CEP112: variants seen among roughly 807,000 people sequenced by gnomAD.
The protein encoded by CEP112 is centrosomal protein 112.
A neutral mutation model predicts 153.0 loss-of-function variants in CEP112; 127 were observed. The ratio of observed to expected loss-of-function variants is 0.83; its 90% confidence interval spans 0.72 to 0.96. The LOEUF is 0.96. CEP112 is among the 40% of genes least tolerant of loss of function. The probability of loss-of-function intolerance (pLI) is 0.00; values close to 1 mark genes in which losing one functional copy is unlikely to be tolerated. For synonymous variants in CEP112, 358 were observed against 374.4 expected, an observed-to-expected ratio of 0.96 and a Z score of 0.51; for missense variants, 1,089 against 1,101.2, an observed-to-expected ratio of 0.99 and a Z score of 0.16.
chr17:65,851,828 A>C lies in CEP112; in HGVS notation c.2370T>G (p.Ala790=), dbSNP rs757220269. ...MKIELKKTHA[A]ETEMTLEKAN... ...CCTTTTCCAGTGTCATCTCTGTCTC[A>C]GCAGCATGAGTCTTTTTCAGCTCTA... Residue 790 remains alanine, a synonymous_variant, in exon 21 of 27, where the codon GCT becomes GCG. Coordinates refer to ENST00000535342, the MANE Select transcript of CEP112 (RefSeq NM_001199165.4). The C allele has an allele frequency of 4.3e-6, 7 of 1,613,626 alleles. No individual in the cohort carries two copies. In the South Asian group the frequency reaches 7.7e-5, roughly 18 times the overall value.
At chr17:65,708,479 C>T (rs183095361) in intron 23 of CEP112, among the ~76,000 whole-genome samples, 3 of 152,304 alleles carry the variant, frequency 2.0e-5, no homozygotes, top group African/African-American at 7.2e-5. Flanking sequence ...TAGCACAGTG[C>T]CTTCTTTCCA....
At chr17:65,794,369 C>A (rs535057862) in intron 21 of CEP112, among the ~76,000 whole-genome samples, 1 of 152,176 alleles carries the variant, frequency 6.6e-6, no homozygotes, top group East Asian at 1.9e-4. Flanking sequence ...TTTGCCAAAT[C>A]TGAAGACAGA....
At chr17:66,018,199 C>T (rs370101063) in intron 16 of CEP112, among the ~76,000 whole-genome samples, 7 of 152,192 alleles carry the variant, frequency 4.6e-5, no homozygotes, top group South Asian at 4.1e-4. Context: ...AATGACAACA[C>T]AAACCAGATA....
chr17:65,651,742 C>T (rs1309190368), intron 24 of CEP112, among the ~76,000 whole-genome samples: 5 of 151,710 alleles, frequency 3.3e-5, no homozygotes, highest in Non-Finnish European at 5.9e-5. Context: ...ACTCTGTCAC[C>T]CAGGCAGAAG....
chr17:66,100,458 T>A, intron 6 of CEP112, among the ~76,000 whole-genome samples: 1 of 141,692 alleles, frequency 7.1e-6, no homozygotes, highest in Non-Finnish European at 1.5e-5. Flanking sequence ...ATAACTATAG[T>A]AACAGCAAGA....
At chr17:66,086,380 CTTTTTTTTTTT>C (rs71160531) in intron 8 of CEP112, among the ~76,000 whole-genome samples, 6 of 67,058 alleles carry the variant, frequency 8.9e-5, no homozygotes, top group African/African-American at 3.9e-4. Context: ...ATTTTCTTTT[CTTTTTTTTTTT>C]TTTTTTTTTT....
At chr17:66,117,845 T>C (rs1178155940) in intron 6 of CEP112, among the ~76,000 whole-genome samples, 2 of 152,094 alleles carry the variant, frequency 1.3e-5, no homozygotes, top group South Asian at 2.1e-4. Context: ...TTTAAATGGG[T>C]AGAAGATCTC....
chr17:65,988,701 TG>T (rs1337840011), intron 17 of CEP112, among the ~76,000 whole-genome samples: 2 of 151,268 alleles, frequency 1.3e-5, no homozygotes, highest in East Asian at 1.9e-4. Context: ...GCTTGACAAC[TG>T]GCTACTTGAA....
At chr17:65,939,929 A>G (rs1464355981) in intron 18 of CEP112, among the ~76,000 whole-genome samples, 1 of 152,194 alleles carries the variant, frequency 6.6e-6, no homozygotes, top group African/African-American at 2.4e-5. Context: ...AGGAAACTAA[A>G]CAATCAACAA....
chr17:66,021,849 T>C (rs11654440), intron 16 of CEP112, among the ~76,000 whole-genome samples: 78,255 of 151,650 alleles, frequency 0.52, 21,085 homozygotes, highest in African/African-American at 0.59. Context: ...GGCCCAGCCA[T>C]TGTCTGGGCA....
intron 21 of CEP112, among the ~76,000 whole-genome samples, chr17:65,811,477 C>T (rs1210699113): frequency 6.6e-6 from 1 of 152,042 alleles, no homozygotes; most frequent in Non-Finnish European, 1.5e-5. Flanking sequence ...CAAGGTGGTA[C>T]AGTTACTGGA....
At chr17:65,716,305 C>T (rs557223151) in intron 23 of CEP112, among the ~76,000 whole-genome samples, 6 of 152,128 alleles carry the variant, frequency 3.9e-5, no homozygotes, top group South Asian at 2.1e-4. Context: ...TACAGGTGCC[C>T]GCCACCATGC....
chr17:66,102,796 C>CA (rs11416184), intron 6 of CEP112, among the ~76,000 whole-genome samples: 45,952 of 99,198 alleles, frequency 0.46, 9,100 homozygotes, highest in Middle Eastern at 0.54. Context: ...GACTCCATCT[C>CA]AAAAAAAAAA....
chr17:65,985,499 T>C (rs2063375028), intron 17 of CEP112, among the ~76,000 whole-genome samples: 1 of 152,182 alleles, frequency 6.6e-6, no homozygotes, highest in Admixed American at 6.5e-5. Context: ...CTAAAAGTGA[T>C]GGCTAAGGTT....
intron 20 of CEP112, among the ~76,000 whole-genome samples, chr17:65,861,848 T>C (rs1290418005): frequency 1.3e-5 from 2 of 152,182 alleles, no homozygotes; most frequent in African/African-American, 4.8e-5. Flanking sequence ...CCTCGGAAAG[T>C]TGGACACGTT....
At chr17:65,637,077 A>G in intron 26 of CEP112, 47 bp downstream of exon 26, 2 of 1,443,566 alleles carry the variant, frequency 1.4e-6, no homozygotes, top group Non-Finnish European at 1.9e-6. Flanking sequence ...CACAGGTGAC[A>G]CAACACAAAC....
At chr17:66,045,435 T>C (rs2066165069) in intron 12 of CEP112, among the ~76,000 whole-genome samples, 1 of 152,166 alleles carries the variant, frequency 6.6e-6, no homozygotes, top group Non-Finnish European at 1.5e-5. Context: ...CTACTCTTGT[T>C]GAGCAGTGCC....
chr17:66,030,428 G>C (rs994264252), intron 12 of CEP112, among the ~76,000 whole-genome samples: 1 of 152,138 alleles, frequency 6.6e-6, no homozygotes, highest in African/African-American at 2.4e-5. Context: ...TTTTTGAAAT[G>C]TGTTATAAGA....
Position 65,768,715 on chromosome 17 carries a change from C to T in CEP112, c.2395-17991G>A, listed in dbSNP as rs145297391. Among the ~76,000 whole-genome samples, 791 of 152,176 alleles carry T rather than the reference C, an allele frequency of 5.2e-3. 6 individuals are homozygous for T. Among genetic ancestry groups the T allele is most frequent in the Non-Finnish European group, 5.9e-3 (401 of 67,972 alleles). ...ATGATCATATCAGTTGACAAAAAAG[C>T]ATTCAATACAGCTCGATGTCTGATT... On this transcript the variant is annotated intron_variant, in intron 21 of 26. Transcript: ENST00000535342.
Sources: gnomAD v4.1 joint callset for allele counts (sites outside exome capture counted in the v4.1 genomes callset) on GRCh38, gnomAD v4.1.1 for gene constraint, MANE v1.5 for transcripts, NCBI Gene and HGNC (gene_info 2026-07-23, HGNC 2026-07-21) for gene names.